Variants in TAFA2 observed in about 807,000 individuals in gnomAD.
TAFA2 encodes the protein TAFA chemokine like family member 2.
A neutral mutation model predicts 18.8 loss-of-function variants in TAFA2; 7 were observed. The observed-to-expected ratio is 0.37, with a 90% CI of 0.21 to 0.70. TAFA2 has a LOEUF of 0.70. TAFA2 is among the 30% of genes least tolerant of loss of function. TAFA2 has a pLI of 0.53. For synonymous variants in TAFA2, 60 were observed against 54.2 expected, an observed-to-expected ratio of 1.11 and a Z score of -0.47; for missense variants, 122 against 158.1, an observed-to-expected ratio of 0.77 and a Z score of 1.23.
chr12:61,791,702 A>G (rs947765608), intron 2 of TAFA2, among the ~76,000 whole-genome samples: 1 of 151,840 alleles, frequency 6.6e-6, no homozygotes, highest in African/African-American at 2.4e-5. Context: ...GGCTGTTATC[A>G]AACAGACAAA....
intron 1 of TAFA2, among the ~76,000 whole-genome samples, chr12:61,978,036 T>G (rs17125573): frequency 0.29 from 43,595 of 151,954 alleles, 6,606 homozygotes; most frequent in South Asian, 0.49. Context: ...ATGATGAAGA[T>G]GCTCAGAAGT....
intron 1 of TAFA2, among the ~76,000 whole-genome samples, chr12:61,965,517 T>C (rs986624240): frequency 7.9e-5 from 12 of 151,920 alleles, no homozygotes; most frequent in African/African-American, 2.9e-4. Context: ...TGGGAGAAGG[T>C]AACTGGCAAG....
At chr12:61,921,091 G>A (rs932126739) in intron 1 of TAFA2, among the ~76,000 whole-genome samples, 1 of 152,222 alleles carries the variant, frequency 6.6e-6, no homozygotes, top group Non-Finnish European at 1.5e-5. Context: ...GGTAGGCCAA[G>A]ACATAATGGG....
chr12:61,878,577 TG>T (rs1565666487), intron 1 of TAFA2, among the ~76,000 whole-genome samples: 1 of 152,164 alleles, frequency 6.6e-6, no homozygotes, highest in Non-Finnish European at 1.5e-5. Flanking sequence ...TATCACAGAG[TG>T]TGTGCAGAAT....
rs374139087 is a variant in TAFA2, at chr12:61,856,637, C to T, written c.106+10683G>A. Among the ~76,000 whole-genome samples, 32 of 151,990 alleles carry T rather than the reference C, an allele frequency of 2.1e-4. No individual in the cohort carries two copies. In the East Asian group the frequency reaches 6.0e-3, roughly 29 times the overall value. Reference sequence around the variant, plus strand: ...AACATTCTATGAATCTAGTCTAGATCATTTTTGTTAGTGCTATTTTATACT... The same window carrying T: ...AACATTCTATGAATCTAGTCTAGATTATTTTTGTTAGTGCTATTTTATACT... On this transcript the variant is annotated intron_variant, in intron 2 of 4. Coordinates refer to ENST00000416284, the MANE Select transcript of TAFA2 (RefSeq NM_178539.5).
At position 61,754,875 on chromosome 12, in the gene TAFA2, C is replaced by A; in HGVS notation, c.256G>T (p.Asp86Tyr). 6.2e-7 allele frequency: 1 copy of A among 1,612,546 alleles called. No individual in the cohort carries two copies. Among genetic ancestry groups the A allele is most frequent in the Non-Finnish European group, 8.5e-7 (1 of 1,179,204 alleles). The change falls in exon 3 of 5, where the codon GAT becomes TAT. Residue 86 changes from aspartate to tyrosine, a missense_variant. Transcript: ENST00000416284. ...TAAGGAATGGAAGAAGTCACACCAT[C>A]CACACATGATGGAGCAGCTCGCGTG... ...GTTRAAPSCV[D>Y]ASIVEQKWWC...
intron 1 of TAFA2, among the ~76,000 whole-genome samples, chr12:61,948,440 A>T (rs17495377): frequency 0.023 from 3,554 of 152,260 alleles, 59 homozygotes; most frequent in Middle Eastern, 0.075. Flanking sequence ...TGTTCATAGA[A>T]GTATATGAGA....
At chr12:62,123,338 A>G (rs1870295536) in intron 1 of TAFA2, among the ~76,000 whole-genome samples, 1 of 152,148 alleles carries the variant, frequency 6.6e-6, no homozygotes, top group Admixed American at 6.6e-5. Context: ...AAGAGTTGCT[A>G]TCTCAGATGT....
intron 4 of TAFA2, among the ~76,000 whole-genome samples, chr12:61,732,733 TTG>T (rs879689003): frequency 9.0e-5 from 10 of 111,472 alleles, no homozygotes; most frequent in African/African-American, 2.4e-4. Context: ...AAGTGATTTT[TTG>T]TGTGTGTGTG....
At chr12:62,170,681 G>A (rs570640308) in intron 1 of TAFA2, among the ~76,000 whole-genome samples, 11 of 88,388 alleles carry the variant, frequency 1.2e-4, no homozygotes, top group Middle Eastern at 4.6e-3. Flanking sequence ...ATACAATGCA[G>A]AGTGGCGAAG....
intron 1 of TAFA2, among the ~76,000 whole-genome samples, chr12:61,950,666 C>G (rs959092357): frequency 1.3e-5 from 2 of 152,022 alleles, no homozygotes; most frequent in African/African-American, 4.8e-5. Flanking sequence ...GGATATTAAA[C>G]CCTTATCAGA....
intron 2 of TAFA2, among the ~76,000 whole-genome samples, chr12:61,814,767 G>A (rs1219991745): frequency 6.6e-6 from 1 of 151,296 alleles, no homozygotes; most frequent in Non-Finnish European, 1.5e-5. Context: ...CAAAATAGGA[G>A]GGTCAGAGTC....
chr12:61,753,511 C>T, intron 4 of TAFA2, 111 bp downstream of exon 4: 2 of 991,030 alleles, frequency 2.0e-6, no homozygotes, highest in Non-Finnish European at 2.9e-6. Context: ...ACATATCTTG[C>T]AAAACTATAC....
At chr12:62,221,248 A>AGGAG (rs1565782423) in intron 1 of TAFA2, among the ~76,000 whole-genome samples, 7 of 149,214 alleles carry the variant, frequency 4.7e-5, no homozygotes, top group African/African-American at 1.8e-4. Flanking sequence ...GAAGGAAGGA[A>AGGAG]GGAAGGAAGG....
At chr12:61,772,680 C>T (rs1212311960) in intron 2 of TAFA2, among the ~76,000 whole-genome samples, 1 of 151,902 alleles carries the variant, frequency 6.6e-6, no homozygotes, top group African/African-American at 2.4e-5. Context: ...TTAAAACCCT[C>T]AGCAAAATCA....
At chr12:62,144,367 G>A (rs4348998) in intron 1 of TAFA2, among the ~76,000 whole-genome samples, 91 of 152,060 alleles carry the variant, frequency 6.0e-4, no homozygotes, top group Middle Eastern at 3.4e-3. Flanking sequence ...ACTGGATATC[G>A]TTCCTGCCAG....
At chr12:61,970,636 G>A (rs1265662283) in intron 1 of TAFA2, among the ~76,000 whole-genome samples, 2 of 151,188 alleles carry the variant, frequency 1.3e-5, no homozygotes, top group African/African-American at 2.4e-5. Context: ...TGTTCTTCTC[G>A]AGAAAATGAT....
intron 2 of TAFA2, among the ~76,000 whole-genome samples, chr12:61,811,787 C>G (rs527303823): frequency 6.6e-6 from 1 of 151,238 alleles, no homozygotes; most frequent in Non-Finnish European, 1.5e-5. Context: ...ACATAAATAT[C>G]TATAATCAAG....
chr12:61,941,568 G>T (rs1878015114), intron 1 of TAFA2, among the ~76,000 whole-genome samples: 2 of 152,210 alleles, frequency 1.3e-5, no homozygotes, highest in South Asian at 4.1e-4. Context: ...GGGAGTGCCA[G>T]ACAGTGGGCG....
Sources: gnomAD v4.1 joint callset for allele counts (sites outside exome capture counted in the v4.1 genomes callset) on GRCh38, gnomAD v4.1.1 for gene constraint, MANE v1.5 for transcripts, NCBI Gene and HGNC (gene_info 2026-07-23, HGNC 2026-07-21) for gene names.